The following CSMD1 variants were observed in gnomAD, a reference collection of about 807,000 sequenced individuals.
CSMD1 encodes CUB and Sushi multiple domains 1.
A neutral mutation model predicts 417.5 loss-of-function variants in CSMD1; 213 were observed. That is an observed-to-expected ratio of 0.51 (90% CI 0.46 to 0.57). The LOEUF is 0.57. CSMD1 is among the 20% of genes least tolerant of loss of function. The probability of loss-of-function intolerance (pLI) is 0.00; values close to 1 mark genes in which losing one functional copy is unlikely to be tolerated. For missense variants in CSMD1, 6,923 were observed against 4,529.7 expected, an observed-to-expected ratio of 1.53 and a Z score of -15.17; for synonymous variants, 2,862 against 1,736.8, an observed-to-expected ratio of 1.65 and a Z score of -16.11.
Position 4,637,374 on chromosome 8 carries a change from A to G in CSMD1, c.270T>C (p.Asp90=). 1.2e-6 allele frequency: 2 copies of G among 1,614,024 alleles called. No homozygotes were observed. Among genetic ancestry groups the G allele is most frequent in the Non-Finnish European group, 1.7e-6 (2 of 1,179,874 alleles). ...TTAAATTCCCTTGTTGAGGCTGTCC[A>G]TCGTAAACTGATAAAATATCAAAAT... The part of the protein sequence containing the change: ...EEDFDILSVY[D]GQPQQGNLKV... The change falls in exon 2 of 70, where the codon GAT becomes GAC. Residue 90 remains aspartate, a synonymous_variant. Transcript: ENST00000635120.
intron 38 of CSMD1, 44 bp from the exon 39 acceptor site, chr8:3,158,010 G>A (rs1360207029): frequency 1.4e-6 from 2 of 1,408,706 alleles, no homozygotes; most frequent in African/African-American, 1.4e-5. Flanking sequence ...ACTAAAAACA[G>A]AGTATTTAAG....
chr8:4,683,634 G>A (rs1186643157), intron 1 of CSMD1, among the ~76,000 whole-genome samples: 3 of 152,180 alleles, frequency 2.0e-5, no homozygotes, highest in African/African-American at 7.2e-5. Flanking sequence ...GAGGAACCTC[G>A]CAGAGAAGGC....
At chr8:4,155,631 G>C (rs1004055373) in intron 3 of CSMD1, among the ~76,000 whole-genome samples, 2 of 152,056 alleles carry the variant, frequency 1.3e-5, no homozygotes, top group Non-Finnish European at 2.9e-5. Flanking sequence ...TATCACTCTT[G>C]GTTAGCTGAT....
At chr8:3,903,110 G>A (rs1807868967) in intron 5 of CSMD1, among the ~76,000 whole-genome samples, 1 of 152,100 alleles carries the variant, frequency 6.6e-6, no homozygotes, top group African/African-American at 2.4e-5. Context: ...TGAGCTAGGT[G>A]GAGACCTTCT....
chr8:3,888,011 C>T (rs910706850), intron 5 of CSMD1, among the ~76,000 whole-genome samples: 1 of 152,150 alleles, frequency 6.6e-6, no homozygotes, highest in African/African-American at 2.4e-5. Context: ...AGGAGTCCAA[C>T]TTCTGGCAGA....
intron 3 of CSMD1, among the ~76,000 whole-genome samples, chr8:4,211,293 T>C (rs1200911277): frequency 6.6e-6 from 1 of 152,170 alleles, no homozygotes; most frequent in Non-Finnish European, 1.5e-5. Flanking sequence ...TTTTCTTTGG[T>C]TCTTTTCTTT....
At chr8:3,991,620 C>A (rs1814758360) in intron 5 of CSMD1, among the ~76,000 whole-genome samples, 1 of 152,144 alleles carries the variant, frequency 6.6e-6, no homozygotes, top group African/African-American at 2.4e-5. Flanking sequence ...GAGATGACTA[C>A]AAATTAGAAG....
At chr8:4,186,696 AT>A (rs1050411430) in intron 3 of CSMD1, among the ~76,000 whole-genome samples, 8 of 151,940 alleles carry the variant, frequency 5.3e-5, no homozygotes, top group African/African-American at 1.9e-4. Flanking sequence ...AAGACTAAAT[AT>A]TTTTTTCAGC....
intron 7 of CSMD1, among the ~76,000 whole-genome samples, chr8:3,677,393 C>A (rs1463779721): frequency 6.6e-6 from 1 of 152,092 alleles, no homozygotes. Context: ...AGAAAACATA[C>A]CCAGTTCAAG....
rs916136152 is a variant in CSMD1, at chr8:4,552,729, A to C, written c.302+84613T>G. ...AGATGCTCAGAAGCTTTAAAATTTAAAGTGAAACTAGATAGGCATCGTTTG... is the reference window on the plus strand; with the variant it reads ...AGATGCTCAGAAGCTTTAAAATTTACAGTGAAACTAGATAGGCATCGTTTG... On this transcript the variant is annotated intron_variant, in intron 2 of 69. Coordinates refer to ENST00000635120, the MANE Select transcript of CSMD1 (RefSeq NM_033225.6). 4.6e-5 allele frequency among the ~76,000 whole-genome samples: 7 copies of C among 152,178 alleles called. No homozygotes were observed. In the South Asian group the frequency reaches 1.2e-3, roughly 27 times the overall value.
At chr8:3,689,431 G>A (rs117885993) in intron 7 of CSMD1, among the ~76,000 whole-genome samples, 2 of 152,218 alleles carry the variant, frequency 1.3e-5, no homozygotes, top group Non-Finnish European at 2.9e-5. Flanking sequence ...GAAATGGCGG[G>A]ATAGTTAGAA....
chr8:4,557,593 TG>T (rs199552786), intron 2 of CSMD1, among the ~76,000 whole-genome samples: 1 of 152,008 alleles, frequency 6.6e-6, no homozygotes, highest in African/African-American at 2.4e-5. Flanking sequence ...AATGTGTGTG[TG>T]TTTTGGGGAG....
intron 5 of CSMD1, among the ~76,000 whole-genome samples, chr8:3,987,844 G>A (rs890059265): frequency 6.6e-6 from 1 of 152,146 alleles, no homozygotes; most frequent in Admixed American, 6.5e-5. Context: ...TTGACAGCCT[G>A]CCAAAAAGAA....
intron 3 of CSMD1, among the ~76,000 whole-genome samples, chr8:4,197,688 G>A (rs1381023274): frequency 6.6e-6 from 1 of 152,180 alleles, no homozygotes; most frequent in Non-Finnish European, 1.5e-5. Flanking sequence ...AGGCCAGCTT[G>A]GCCAACATAG....
At position 3,095,330 on chromosome 8, in the gene CSMD1, C is replaced by G. The variant is rs141117974; in HGVS notation, c.7138+1519G>C. Among the ~76,000 whole-genome samples, 162 of 152,192 alleles carry G rather than the reference C, an allele frequency of 1.1e-3. 1 individual carries two copies. Among genetic ancestry groups the G allele is most frequent in the African/African-American group, 3.7e-3 (152 of 41,544 alleles). On this transcript the variant is annotated intron_variant, in intron 47 of 69. Transcript: ENST00000635120. ...CCTAATAGGCCTCAAATAGAGTTTA[C>G]CTCTCTTCTTCCTCAACAAGAGAAA... is the stretch of plus-strand genomic sequence containing the variant.
At chr8:3,549,896 G>A (rs558959424) in intron 10 of CSMD1, among the ~76,000 whole-genome samples, 1 of 152,246 alleles carries the variant, frequency 6.6e-6, no homozygotes, top group Non-Finnish European at 1.5e-5. Context: ...AATGTAATTT[G>A]AATAAATAAG....
chr8:4,786,806 A>T (rs1797424648), intron 1 of CSMD1, among the ~76,000 whole-genome samples: 1 of 152,140 alleles, frequency 6.6e-6, no homozygotes, highest in Non-Finnish European at 1.5e-5. Flanking sequence ...TTTGTCAATT[A>T]ATCCTAAAAG....
chr8:3,142,572 C>T lies in CSMD1; in HGVS notation c.6134G>A (p.Ser2045Asn), dbSNP rs746436482. The T allele has an allele frequency of 2.5e-5, 40 of 1,613,794 alleles. No individual in the cohort carries two copies. The highest frequency in any genetic ancestry group is 3.3e-5 in the Non-Finnish European group (39 of 1,179,886). ...YHTSPMIGQF[S>N]GTDLPAALLS... is the part of the protein sequence containing the mutation. Reference sequence around the variant, plus strand: ...CAGGGCCGCGGGGAGATCCGTGCCGCTAAATTGTCCAATCATGGGGCTGGT... The same window carrying T: ...CAGGGCCGCGGGGAGATCCGTGCCGTTAAATTGTCCAATCATGGGGCTGGT... The change falls in exon 41 of 70, where the codon AGC (serine) becomes AAC (asparagine). Residue 2045 changes from serine to asparagine, a missense_variant. Transcript: ENST00000635120.
chr8:4,077,279 C>CTATATATATATATATGTATA (rs1799868661), intron 3 of CSMD1, among the ~76,000 whole-genome samples: 2 of 94,992 alleles, frequency 2.1e-5, no homozygotes, highest in African/African-American at 8.5e-5. Context: ...CATTTGTCAC[C>CTATATATATATATATGTATA]TATATATATA....
Sources: allele counts gnomAD v4.1 joint callset (sites outside exome capture counted in the v4.1 genomes callset), GRCh38; gene constraint gnomAD v4.1.1; transcripts MANE v1.5; gene names NCBI Gene and HGNC (gene_info 2026-07-23, HGNC 2026-07-21).